GPC6: variants seen among roughly 807,000 people sequenced by gnomAD.
GPC6 encodes the protein glypican 6.
In GPC6, 14 loss-of-function variants were observed where a neutral mutation model predicts 55.2. The ratio of observed to expected loss-of-function variants is 0.25; its 90% CI spans 0.17 to 0.40. GPC6 has a LOEUF of 0.40. GPC6 is among the 10% of genes least tolerant of loss of function. GPC6 has a pLI of 1.00. For missense variants in GPC6, 641 were observed against 708.5 expected (o/e 0.90, Z 1.08); for synonymous variants, 278 against 259.6 (o/e 1.07, Z -0.68).
At chr13:93,958,133 C>A (rs1396089924) in intron 3 of GPC6, among the ~76,000 whole-genome samples, 1 of 152,076 alleles carries the variant, frequency 6.6e-6, no homozygotes, top group Non-Finnish European at 1.5e-5. Flanking sequence ...CTGATGCATG[C>A]TTTGCAAATA....
At chr13:93,980,701 G>A (rs1220783092) in intron 3 of GPC6, among the ~76,000 whole-genome samples, 1 of 152,158 alleles carries the variant, frequency 6.6e-6, no homozygotes, top group African/African-American at 2.4e-5. Context: ...AGAATGGACT[G>A]ATCAGGAGTT....
intron 5 of GPC6, among the ~76,000 whole-genome samples, chr13:94,290,974 C>T (rs929843453): frequency 5.9e-5 from 9 of 152,082 alleles, no homozygotes; most frequent in Non-Finnish European, 1.0e-4. Context: ...GGCAGATCAC[C>T]GGAGGTCAGG....
chr13:94,173,652 A>T (rs1318664173), intron 4 of GPC6, among the ~76,000 whole-genome samples: 1 of 152,188 alleles, frequency 6.6e-6, no homozygotes, highest in African/African-American at 2.4e-5. Context: ...AAGCTAGCAC[A>T]CCTCAAGGTG....
chr13:93,483,928 C>T (rs1879607699), intron 1 of GPC6, among the ~76,000 whole-genome samples: 2 of 152,108 alleles, frequency 1.3e-5, no homozygotes, highest in South Asian at 4.1e-4. Flanking sequence ...TGTCACAAGA[C>T]TTATTTGTGT....
intron 1 of GPC6, among the ~76,000 whole-genome samples, chr13:93,293,197 G>T (rs1878374050): frequency 6.6e-6 from 1 of 151,632 alleles, no homozygotes; most frequent in African/African-American, 2.4e-5. Context: ...GCCCAGGCTG[G>T]TCAGAAGTTC....
intron 5 of GPC6, among the ~76,000 whole-genome samples, chr13:94,293,237 C>T (rs1215263270): frequency 6.6e-6 from 1 of 152,164 alleles, no homozygotes; most frequent in Non-Finnish European, 1.5e-5. Context: ...CTCTGTGTCC[C>T]CACCCAAATG....
intron 4 of GPC6, among the ~76,000 whole-genome samples, chr13:94,044,232 G>A (rs1300482126): frequency 6.6e-6 from 1 of 151,786 alleles, no homozygotes; most frequent in Admixed American, 6.6e-5. Context: ...GTAGATATGT[G>A]TGTATTTGAT....
intron 3 of GPC6, among the ~76,000 whole-genome samples, chr13:93,885,708 T>C (rs762587950): frequency 2.8e-4 from 42 of 152,194 alleles, no homozygotes; most frequent in Non-Finnish European, 5.0e-4. Context: ...AAGAACTGGT[T>C]TACATGCCAA....
intron 3 of GPC6, among the ~76,000 whole-genome samples, chr13:93,899,588 A>G (rs1876231236): frequency 1.3e-5 from 2 of 152,160 alleles, no homozygotes; most frequent in Non-Finnish European, 2.9e-5. Context: ...GAATGAATCA[A>G]TGCATATACA....
chr13:93,484,466 G>A (rs911762015), intron 1 of GPC6, among the ~76,000 whole-genome samples: 49 of 152,040 alleles, frequency 3.2e-4, no homozygotes, highest in African/African-American at 6.3e-4. Context: ...CGAGTATGCT[G>A]TGAACCTCTT....
intron 5 of GPC6, among the ~76,000 whole-genome samples, chr13:94,304,670 G>C (rs1183452132): frequency 6.6e-6 from 1 of 152,146 alleles, no homozygotes; most frequent in Non-Finnish European, 1.5e-5. Context: ...ATTATCTCTC[G>C]ATAACCAGCA....
chr13:94,262,159 T>C (rs1468033162), intron 4 of GPC6, among the ~76,000 whole-genome samples: 5 of 152,124 alleles, frequency 3.3e-5, no homozygotes, highest in African/African-American at 1.2e-4. Context: ...GAGCTGGGCA[T>C]ATGGTATTTG....
At chr13:94,231,390 G>A (rs1426289692) in intron 4 of GPC6, among the ~76,000 whole-genome samples, 1 of 152,110 alleles carries the variant, frequency 6.6e-6, no homozygotes, top group Non-Finnish European at 1.5e-5. Flanking sequence ...TTCTGAAGAA[G>A]CAAGTTCAGA....
At chr13:94,123,302 C>T (rs1250630534) in intron 4 of GPC6, among the ~76,000 whole-genome samples, 1 of 152,012 alleles carries the variant, frequency 6.6e-6, no homozygotes, top group East Asian at 1.9e-4. Context: ...TTAAATGTCA[C>T]TTTGCATTCA....
At chr13:94,085,918 T>C (rs1285004031) in intron 4 of GPC6, among the ~76,000 whole-genome samples, 3 of 152,346 alleles carry the variant, frequency 2.0e-5, no homozygotes, top group Middle Eastern at 3.4e-3. Context: ...ATTTATATAA[T>C]ATATAGTCAA....
intron 4 of GPC6, among the ~76,000 whole-genome samples, chr13:94,043,371 T>A (rs1215381560): frequency 6.6e-6 from 1 of 151,896 alleles, no homozygotes; most frequent in Non-Finnish European, 1.5e-5. Context: ...AATTTATGAC[T>A]AACATTGATT....
chr13:93,841,876 T>C lies in GPC6; in HGVS notation c.711+11331T>C, dbSNP rs114295399. Among the ~76,000 whole-genome samples the C allele has an allele frequency of 8.9e-3, 1,362 of 152,302 alleles. 28 individuals carry two copies. Among genetic ancestry groups the C allele is most frequent in the African/African-American group, 0.031 (1,299 of 41,580 alleles). ...GATCAACTTTTCTATGTTAATTTTGTATAGAATTTTGGCAATCAAAAAGTA... is the reference window on the plus strand; with the variant it reads ...GATCAACTTTTCTATGTTAATTTTGCATAGAATTTTGGCAATCAAAAAGTA... On this transcript the variant is annotated intron_variant, in intron 3 of 8. Transcript: ENST00000377047.
intron 2 of GPC6, among the ~76,000 whole-genome samples, chr13:93,795,205 C>T (rs534686945): frequency 2.6e-5 from 4 of 152,096 alleles, no homozygotes; most frequent in South Asian, 2.1e-4. Flanking sequence ...AAAAAAAGAT[C>T]GTGGGGAGAT....
chr13:94,376,773 G>A (rs1290255241), intron 6 of GPC6, among the ~76,000 whole-genome samples: 2 of 152,174 alleles, frequency 1.3e-5, no homozygotes, highest in African/African-American at 4.8e-5. Flanking sequence ...CAAAGCTGGA[G>A]ACATCACACT....
Sources: allele counts gnomAD v4.1 joint callset (sites outside exome capture counted in the v4.1 genomes callset), GRCh38; gene constraint gnomAD v4.1.1; transcripts MANE v1.5; gene names NCBI Gene and HGNC (gene_info 2026-07-23, HGNC 2026-07-21).